Variants in SH3BP4 observed in about 807,000 individuals in gnomAD.
SH3BP4 encodes the protein SH3 domain-binding protein 4.
SH3BP4 carries 33 observed loss-of-function variants against 65.5 expected under a neutral mutation model. The ratio of observed to expected loss-of-function variants is 0.50; its 90% confidence interval spans 0.38 to 0.67. The LOEUF (loss-of-function observed/expected upper bound fraction) is 0.67. Ranked by LOEUF, SH3BP4 falls within the 30% of genes least tolerant of loss-of-function variation. The probability of loss-of-function intolerance (pLI) is 0.00; values close to 1 mark genes in which losing one functional copy is unlikely to be tolerated. For missense variants in SH3BP4, 1,134 were observed against 1,261.4 expected, an observed-to-expected ratio of 0.90 and a Z score of 1.53; for synonymous variants, 552 against 545.5, an observed-to-expected ratio of 1.01 and a Z score of -0.17.
Position 235,052,840 on chromosome 2 carries a change from C to CACAGAAAT in SH3BP4, c.2667+90_2667+91insACAGAAAT. On this transcript the variant is annotated intron_variant, in intron 5 of 5. Coordinates refer to ENST00000392011, the MANE Select transcript of SH3BP4 (RefSeq NM_014521.3). This position sits in a 1 kb window ranked among gnomAD's most constrained non-coding sequence, Gnocchi z 5.0. The stretch of plus-strand genomic sequence containing the variant: ...AGTGCAGCCATAAAAAGTCTTGCCT[C>CACAGAAAT]GCGGCATTTCTGTGAGGGTGCAACA... 1.6e-6 allele frequency: 2 copies of CACAGAAAT among 1,280,280 alleles called. No homozygotes were observed. Among genetic ancestry groups the CACAGAAAT allele is most frequent in the Non-Finnish European group, 2.1e-6 (2 of 944,112 alleles). The allele number at this position is 1,280,280 out of a possible 1,614,324, so 79.3% of individuals were successfully genotyped here. A position where few individuals can be genotyped will look rare whatever the true frequency, so the allele number is the denominator to read the frequency against.
At chr2:234,994,596 C>A in intron 1 of SH3BP4, 1 of 152,270 alleles carries the variant, frequency 6.6e-6, no homozygotes. Flanking sequence ...ATGTCAGCGC[C>A]GTGTGACTTG....
At position 234,976,237 on chromosome 2, in the gene SH3BP4, G is replaced by T. The variant is rs539403124; in HGVS notation, c.-206-19066G>T. ...GGGTTACCCCAGCAGCAGCCCACCT[G>T]GCCAGGTTTGAAGGGCTTGGGCAGG... On this transcript the variant is annotated intron_variant, in intron 1 of 5. Transcript: ENST00000392011. This position sits in a 1 kb window ranked among gnomAD's most constrained non-coding sequence, Gnocchi z 4.7. Among the ~76,000 whole-genome samples, 331 of 152,300 alleles carry T rather than the reference G, an allele frequency of 2.2e-3. No individual in the cohort carries two copies. Among genetic ancestry groups the T allele is most frequent in the African/African-American group, 7.5e-3 (311 of 41,570 alleles).
chr2:234,994,607 A>C (rs1693855216), intron 1 of SH3BP4: 1 of 152,158 alleles, frequency 6.6e-6, no homozygotes, highest in Non-Finnish European at 1.5e-5. Context: ...GTGTGACTTG[A>C]GGAGGAGACC....
In SH3BP4 at chr2:234,997,021, A is replaced by G. The variant is rs566638906; in HGVS notation, c.-133+1645A>G. ...AGGGTGGGACGGGTGCCGCCATCCCACAGCGGTGCCCGCTTGTCTCCGTGG... is the reference window on the plus strand; with the variant it reads ...AGGGTGGGACGGGTGCCGCCATCCCGCAGCGGTGCCCGCTTGTCTCCGTGG... On this transcript the variant is annotated intron_variant, in intron 2 of 5. Coordinates refer to ENST00000392011, the MANE Select transcript of SH3BP4 (RefSeq NM_014521.3). This position sits in a 1 kb window ranked among gnomAD's most constrained non-coding sequence, Gnocchi z 4.2. Among the ~76,000 whole-genome samples the G allele has an allele frequency of 3.3e-3, 501 of 152,332 alleles. 3 individuals are homozygous for G. Among genetic ancestry groups the G allele is most frequent in the Non-Finnish European group, 5.8e-3 (392 of 68,032 alleles).
rs527479506 is a variant in SH3BP4, at chr2:235,026,918, G to C, written c.-132-7953G>C. On this transcript the variant is annotated intron_variant, in intron 2 of 5. Transcript: ENST00000392011. This position sits in a 1 kb window ranked among gnomAD's most constrained non-coding sequence, Gnocchi z 4.6. ...TCCCCCAGGAAGAGGCAGCCCGCCC[G>C]AGCCCCAGGCAGCATGTTCCTCCTG... 6.6e-6 allele frequency among the ~76,000 whole-genome samples: 1 copy of C among 152,188 alleles called. No homozygotes were observed. Among genetic ancestry groups the C allele is most frequent in the African/African-American group, 2.4e-5 (1 of 41,444 alleles).
At chr2:234,981,382 C>G (rs915677231) in intron 1 of SH3BP4, among the ~76,000 whole-genome samples, 1 of 152,132 alleles carries the variant, frequency 6.6e-6, no homozygotes, top group Non-Finnish European at 1.5e-5. Context: ...TCATTCCAAC[C>G]TCTTAGTCAC....
At chr2:234,993,527 G>C (rs1693817561) in intron 1 of SH3BP4, among the ~76,000 whole-genome samples, 1 of 152,166 alleles carries the variant, frequency 6.6e-6, no homozygotes, top group Admixed American at 6.5e-5. Flanking sequence ...GAATCAGAAA[G>C]AAAAAATGGG....
At position 235,041,666 on chromosome 2, in the gene SH3BP4, C is replaced by T. The variant is rs752713748; in HGVS notation, c.897C>T (p.Asp299=). The T allele has an allele frequency of 1.2e-6, 2 of 1,613,704 alleles. No individual in the cohort carries two copies. Among genetic ancestry groups the T allele is most frequent in the South Asian group, 2.2e-5 (2 of 91,036 alleles). The change falls in exon 4 of 6, where the codon GAC becomes GAT. Residue 299 remains aspartate (D), a synonymous_variant. Transcript: ENST00000392011. The surrounding 1 kb of genome is among the most constrained non-coding windows in gnomAD (Gnocchi z 6.0). ...NHRKLARSCH[D]LDLLGQSPGW... is the part of the protein sequence containing the mutation. Reference sequence around the variant, plus strand: ...GGAAGCTGGCCCGGTCTTGCCACGACCTGGACTTGCTTGGCCAAAGCCCTG... The same window carrying T: ...GGAAGCTGGCCCGGTCTTGCCACGATCTGGACTTGCTTGGCCAAAGCCCTG...
chr2:235,037,034 G>A (rs1433858373), intron 3 of SH3BP4, among the ~76,000 whole-genome samples: 2 of 152,136 alleles, frequency 1.3e-5, no homozygotes, highest in African/African-American at 4.8e-5. Context: ...TTCAAGGTGG[G>A]AATTTATTTC....
chr2:235,038,291 T>TATATA (rs1559254203), intron 3 of SH3BP4, among the ~76,000 whole-genome samples: 1 of 19,308 alleles, frequency 5.2e-5, no homozygotes, highest in African/African-American at 6.7e-4. Flanking sequence ...TTATATATAA[T>TATATA]ATATATATTA....
At chr2:235,036,106 AATT>A (rs1435385063) in intron 3 of SH3BP4, among the ~76,000 whole-genome samples, 1 of 152,188 alleles carries the variant, frequency 6.6e-6, no homozygotes, top group Non-Finnish European at 1.5e-5. Context: ...GATGTACAAA[AATT>A]ATATGCACTG....
At chr2:235,012,387 G>C (rs976624177) in intron 2 of SH3BP4, among the ~76,000 whole-genome samples, 2 of 152,230 alleles carry the variant, frequency 1.3e-5, no homozygotes, top group South Asian at 4.1e-4. Flanking sequence ...AATGTGTCCT[G>C]TAACGTTCTA....
At chr2:235,038,376 C>CATATATATATACAT (rs1695510376) in intron 3 of SH3BP4, among the ~76,000 whole-genome samples, 1 of 12,364 alleles carries the variant, frequency 8.1e-5, no homozygotes, top group African/African-American at 3.6e-4. Flanking sequence ...AATATATATA[C>CATATATATATACAT]ATATATATAT....
At chr2:235,014,173 G>A (rs1035819570) in intron 2 of SH3BP4, among the ~76,000 whole-genome samples, 12 of 152,182 alleles carry the variant, frequency 7.9e-5, no homozygotes, top group African/African-American at 2.9e-4. Context: ...ATATAGAGGT[G>A]TAATTACCCG....
intron 1 of SH3BP4, among the ~76,000 whole-genome samples, chr2:234,992,113 T>C (rs1693764972): frequency 6.6e-6 from 1 of 152,232 alleles, no homozygotes; most frequent in South Asian, 2.1e-4. Flanking sequence ...TAATCAGTGC[T>C]GAAAGCCACA....
In SH3BP4 at chr2:235,046,277, GGTTT is replaced by G. The variant is rs1695855977; in HGVS notation, c.2478+3035_2478+3038del. On this transcript the variant is annotated intron_variant, in intron 4 of 5. Coordinates refer to ENST00000392011, the MANE Select transcript of SH3BP4 (RefSeq NM_014521.3). This position sits in a 1 kb window ranked among gnomAD's most constrained non-coding sequence, Gnocchi z 4.2. Reference sequence around the variant, plus strand: ...CCATGGTGTTTCTTGAATCAGAAGCGGTTTGTTTTGGCCAGGCATGGAGGTTCAC... The same window carrying G: ...CCATGGTGTTTCTTGAATCAGAAGCGGTTTTGGCCAGGCATGGAGGTTCAC... 6.6e-6 allele frequency among the ~76,000 whole-genome samples: 1 copy of G among 152,172 alleles called. No individual in the cohort carries two copies. The highest frequency in any genetic ancestry group is 6.5e-5 in the Admixed American group (1 of 15,276).
intron 2 of SH3BP4, among the ~76,000 whole-genome samples, chr2:235,002,918 G>A (rs183102556): frequency 5.9e-5 from 9 of 152,330 alleles, no homozygotes; most frequent in Admixed American, 5.9e-4. Context: ...ATTCCAGGGA[G>A]GGCCCGGATG....
intron 2 of SH3BP4, among the ~76,000 whole-genome samples, chr2:235,008,921 C>G (rs894724371): frequency 6.6e-6 from 1 of 152,222 alleles, no homozygotes; most frequent in African/African-American, 2.4e-5. Context: ...CCTGTAAGCT[C>G]TACCACACCA....
chr2:234,954,919 C>T (rs1321539566), intron 1 of SH3BP4, among the ~76,000 whole-genome samples: 1 of 152,178 alleles, frequency 6.6e-6, no homozygotes, highest in Non-Finnish European at 1.5e-5. Flanking sequence ...GACCCTGGCT[C>T]CAGGCAGACC....
Sources: allele counts gnomAD v4.1 joint callset (sites outside exome capture counted in the v4.1 genomes callset), GRCh38; gene constraint gnomAD v4.1.1; non-coding constraint Gnocchi (gnomAD v3.1); transcripts MANE v1.5; gene names NCBI Gene and HGNC (gene_info 2026-07-23, HGNC 2026-07-21).